HNF4G: variants seen among roughly 807,000 people sequenced by gnomAD.
The protein encoded by HNF4G is hepatocyte nuclear factor 4-gamma.
In HNF4G, 21 loss-of-function variants were observed where a neutral mutation model predicts 50.9. The observed-to-expected ratio is 0.41, with a 90% CI of 0.29 to 0.59. The LOEUF is 0.59. Ranked by LOEUF, HNF4G falls within the 20% of genes least tolerant of loss-of-function variation. The pLI, the probability that HNF4G is intolerant of heterozygous loss-of-function variation, is 0.26. For synonymous variants in HNF4G, 198 were observed against 185.6 expected (o/e 1.07, Z -0.54); for missense variants, 527 against 559.4 (o/e 0.94, Z 0.58).
chr8:75,447,618 T>C (rs1211330293), intron 1 of HNF4G, among the ~76,000 whole-genome samples: 12 of 151,884 alleles, frequency 7.9e-5, no homozygotes, highest in Non-Finnish European at 1.6e-4. Context: ...AAAAAGTGGG[T>C]GAAGGACATG....
chr8:75,560,502 C>T (rs984747787), intron 9 of HNF4G, 36 bp downstream of exon 9: 9 of 1,575,664 alleles, frequency 5.7e-6, no homozygotes, highest in African/African-American at 2.7e-5. Context: ...CAAGATATTT[C>T]TTAATTACCC....
intron 1 of HNF4G, among the ~76,000 whole-genome samples, chr8:75,436,556 G>A (rs1361727195): frequency 2.0e-5 from 3 of 152,104 alleles, no homozygotes; most frequent in African/African-American, 7.2e-5. Flanking sequence ...AAAAGATATT[G>A]GGAAAACTGG....
chr8:75,532,025 A>G (rs1457464304), intron 2 of HNF4G, among the ~76,000 whole-genome samples: 1 of 152,006 alleles, frequency 6.6e-6, no homozygotes, highest in Non-Finnish European at 1.5e-5. Flanking sequence ...CATCTTCACT[A>G]TTCTTTCATT....
chr8:75,481,016 C>T (rs1015551629), intron 1 of HNF4G, among the ~76,000 whole-genome samples: 20 of 152,096 alleles, frequency 1.3e-4, no homozygotes, highest in African/African-American at 3.9e-4. Context: ...TGGTCCCGGC[C>T]GGATCTCATT....
rs543350748 is a variant in HNF4G at position 75,524,078 on chromosome 8, G to A, written c.-23-19733G>A. 1.1e-4 allele frequency among the ~76,000 whole-genome samples: 17 copies of A among 152,012 alleles called. No homozygotes were observed. In the East Asian group the frequency reaches 1.4e-3, roughly 12 times the overall value. On this transcript the variant is annotated intron_variant, in intron 2 of 10. Transcript: ENST00000354370. ...GATTATCCACCTATAGCTTGATAAC[G>A]TTTACAACTATACACGCCTATGTAT...
intron 1 of HNF4G, among the ~76,000 whole-genome samples, chr8:75,462,887 T>C (rs564217111): frequency 7.2e-5 from 11 of 152,270 alleles, no homozygotes; most frequent in Admixed American, 5.9e-4. Flanking sequence ...GCAGACAATA[T>C]AGTACATGTT....
intron 1 of HNF4G, among the ~76,000 whole-genome samples, chr8:75,420,863 A>T (rs1810759119): frequency 6.6e-6 from 1 of 152,186 alleles, no homozygotes; most frequent in Non-Finnish European, 1.5e-5. Context: ...ACTCTGACTC[A>T]TTCTTTACAT....
At chr8:75,502,142 C>G (rs1323695898) in intron 2 of HNF4G, among the ~76,000 whole-genome samples, 4 of 152,096 alleles carry the variant, frequency 2.6e-5, no homozygotes, top group African/African-American at 9.7e-5. Context: ...TGAGCCACCG[C>G]GCCTGGCCCT....
intron 2 of HNF4G, among the ~76,000 whole-genome samples, chr8:75,508,969 C>T (rs570378212): frequency 4.6e-5 from 7 of 152,242 alleles, no homozygotes; most frequent in South Asian, 2.1e-4. Context: ...ATAAGAAAGA[C>T]GAACTGGAAG....
chr8:75,515,247 T>G (rs943184677), intron 2 of HNF4G, among the ~76,000 whole-genome samples: 1 of 152,234 alleles, frequency 6.6e-6, no homozygotes, highest in African/African-American at 2.4e-5. Flanking sequence ...TTACTTTGTT[T>G]ATTTTAGGTT....
At chr8:75,466,650 C>T (rs541322563) in intron 1 of HNF4G, among the ~76,000 whole-genome samples, 4 of 96,814 alleles carry the variant, frequency 4.1e-5, no homozygotes, top group South Asian at 3.9e-4. Flanking sequence ...CTTCCCTTCC[C>T]TTCCCTTCCC....
In HNF4G at chr8:75,563,576, G is replaced by A. The variant is rs188069458; in HGVS notation, c.1247-399G>A. ...CAAACCAAATATATTTTTATTTTAT[G>A]TGAATTTTGATTATAAAAAATATAA... On this transcript the variant is annotated intron_variant, in intron 9 of 9. Coordinates refer to ENST00000396423, the MANE Select transcript of HNF4G (RefSeq NM_004133.5). 1.4e-3 allele frequency among the ~76,000 whole-genome samples: 210 copies of A among 152,060 alleles called. 2 individuals are homozygous for A. The highest frequency in any genetic ancestry group is 2.5e-3 in the Non-Finnish European group (170 of 67,960).
chr8:75,555,104 G>C (rs563079366), intron 5 of HNF4G, among the ~76,000 whole-genome samples: 1 of 152,268 alleles, frequency 6.6e-6, no homozygotes, highest in African/African-American at 2.4e-5. Context: ...TTTCAGTCTA[G>C]GGACAATAAG....
chr8:75,514,479 A>G (rs747103595), intron 2 of HNF4G, among the ~76,000 whole-genome samples: 1 of 149,980 alleles, frequency 6.7e-6, no homozygotes, highest in Non-Finnish European at 1.5e-5. Context: ...CAGCCTCCCA[A>G]GTAGCTGAGA....
chr8:75,558,467 G>C (rs976536845), intron 6 of HNF4G, 51 bp from the exon 7 acceptor site: 21 of 1,551,738 alleles, frequency 1.4e-5, no homozygotes, highest in Non-Finnish European at 1.8e-5. Context: ...TGACAATTTG[G>C]GGAGACAGGT....
intron 2 of HNF4G, among the ~76,000 whole-genome samples, chr8:75,493,016 AATAT>A (rs143195684): frequency 6.8e-6 from 1 of 148,128 alleles, no homozygotes; most frequent in Admixed American, 6.8e-5. Flanking sequence ...ATATGACTGA[AATAT>A]ATATATATAT....
intron 1 of HNF4G, among the ~76,000 whole-genome samples, chr8:75,433,298 C>T (rs1288785821): frequency 6.6e-6 from 1 of 151,540 alleles, no homozygotes; most frequent in East Asian, 1.9e-4. Flanking sequence ...GTTTTAGCCA[C>T]TCAGGAGGCT....
At chr8:75,495,848 G>A (rs1275952084) in intron 2 of HNF4G, among the ~76,000 whole-genome samples, 1 of 152,020 alleles carries the variant, frequency 6.6e-6, no homozygotes, top group East Asian at 1.9e-4. Context: ...TACATATGCA[G>A]TATAAAGAAT....
chr8:75,492,884 T>C (rs558594177), intron 2 of HNF4G, among the ~76,000 whole-genome samples: 57 of 152,222 alleles, frequency 3.7e-4, no homozygotes, highest in African/African-American at 1.3e-3. Flanking sequence ...ACTCTCTGCC[T>C]TTTCCCTTTT....
Sources: allele counts gnomAD v4.1 joint callset (sites outside exome capture counted in the v4.1 genomes callset), GRCh38; gene constraint gnomAD v4.1.1; transcripts MANE v1.5; gene names NCBI Gene and HGNC (gene_info 2026-07-23, HGNC 2026-07-21).